Variants in WDR62 observed in about 807,000 individuals in gnomAD.
WDR62 encodes the protein WD repeat domain 62.
A neutral mutation model predicts 160.6 loss-of-function variants in WDR62; 112 were observed. The observed-to-expected ratio is 0.70, with a 90% CI of 0.60 to 0.82. WDR62 has a LOEUF of 0.82. Among genes scored for constraint, WDR62 ranks in the 40% least tolerant of loss-of-function variants. The pLI, the probability that WDR62 is intolerant of heterozygous loss-of-function variation, is 0.00. For missense variants in WDR62, 1,819 were observed against 1,983.8 expected (o/e 0.92, Z 1.58); for synonymous variants, 792 against 815.1 (o/e 0.97, Z 0.48).
chr19:36,084,645 T>C lies in WDR62; in HGVS notation c.1551-8T>C. The C allele has an allele frequency of 6.2e-7, 1 of 1,613,498 alleles. No individual in the cohort carries two copies. On this transcript the variant is annotated splice_region_variant and splice_polypyrimidine_tract_variant and intron_variant, in intron 11 of 31. Coordinates refer to ENST00000401500, the MANE Select transcript of WDR62 (RefSeq NM_001083961.2). ...GTGGGGCTTCAGCGGGCGGTGTGTG[T>C]CTCCCAGGATCCACGAGCTGCACTT...
In WDR62 at chr19:36,102,736, G is replaced by T; in HGVS notation, c.3221-1G>T. The T allele has an allele frequency of 1.2e-6, 2 of 1,614,078 alleles. 1 individual carries two copies. The highest frequency in any genetic ancestry group is 2.2e-5 in the South Asian group (2 of 91,076). On this transcript the variant is annotated splice_acceptor_variant, in intron 26 of 31. Transcript: ENST00000401500. LOFTEE classifies it high-confidence loss of function. The stretch of plus-strand genomic sequence containing the variant: ...AGGGTCCCCTCGGGATCTTCCCCTA[G>T]AGCTCTTCCCCGCAGCTCTGGGAGA...
rs1272477779 is a variant in WDR62, at chr19:36,066,379, G to T, written c.513G>T (p.Val171=). The T allele has an allele frequency of 3.7e-6, 6 of 1,612,796 alleles. No homozygotes were observed. In the African/African-American group the frequency reaches 8.0e-5, roughly 22 times the overall value. ...TCTCACCCAATATGAAGCACATCGT[G>T]TCCATGGGCTACCAACATGACATGG... The part of the protein sequence containing the change: ...VAFSPNMKHI[V]SMGYQHDMVL... The change falls in exon 5 of 32, where the codon GTG becomes GTT. Residue 171 remains valine, a synonymous_variant. Transcript: ENST00000401500.
chr19:36,066,073 C>T (rs765755372), intron 4 of WDR62, 58 bp downstream of exon 4: 260 of 1,599,906 alleles, frequency 1.6e-4, no homozygotes, highest in Non-Finnish European at 1.9e-4. Context: ...GGAAGCCATT[C>T]CTTCTGCTCC....
At chr19:36,061,835 A>G (rs1970664127) in intron 3 of WDR62, 1 of 152,190 alleles carries the variant, frequency 6.6e-6, no homozygotes, top group South Asian at 2.1e-4. Context: ...AAACTTGGGC[A>G]TTGGCAATTT....
intron 5 of WDR62, 30 bp downstream of exon 5, chr19:36,066,457 G>A (rs916103410): frequency 6.4e-7 from 1 of 1,566,290 alleles, no homozygotes. Context: ...CCTGTGGCAG[G>A]CAGCCAGCTG....
In WDR62 at chr19:36,071,570, C is replaced by T. The variant is rs376652263; in HGVS notation, c.897C>T (p.Ser299=). ...KWINLKVSLS[S]CLCVSQELIF... is the part of the protein sequence containing the mutation. ...TGCCCCTACAGGTCTCCCTGTCTTC[C>T]TGCCTCTGTGTCAGCCAGGAGCTCA... Residue 299 remains serine, a synonymous_variant, in exon 8 of 32, where the codon TCC becomes TCT. Coordinates refer to ENST00000401500, the MANE Select transcript of WDR62 (RefSeq NM_001083961.2). The T allele has an allele frequency of 9.9e-5, 160 of 1,614,148 alleles. No homozygotes were observed. Among genetic ancestry groups the T allele is most frequent in the Middle Eastern group, 4.9e-4 (3 of 6,084 alleles).
intron 9 of WDR62, among the ~76,000 whole-genome samples, chr19:36,079,922 A>G (rs1027396267): frequency 3.9e-5 from 6 of 152,090 alleles, no homozygotes; most frequent in Non-Finnish European, 8.8e-5. Context: ...AGATTTTGGG[A>G]GATTAAAAAA....
At chr19:36,067,703 G>T in intron 6 of WDR62, 125 bp from the exon 7 acceptor site, 1 of 1,202,476 alleles carries the variant, frequency 8.3e-7, no homozygotes, top group Non-Finnish European at 1.2e-6. Flanking sequence ...GGGTTCTAGT[G>T]TTTTCTTCCC....
At chr19:36,059,030 C>T (rs1019405517) in intron 2 of WDR62, 159 bp downstream of exon 2, 1 of 728,448 alleles carries the variant, frequency 1.4e-6, no homozygotes, top group South Asian at 1.5e-5. Context: ...TCCATAGCCC[C>T]CTCTCTGTCT....
At position 36,092,707 on chromosome 19, in the gene WDR62, C is replaced by T. The variant is rs2145795361; in HGVS notation, c.2229C>T (p.His743=). 1.2e-6 allele frequency: 2 copies of T among 1,614,194 alleles called. No individual in the cohort carries two copies. Among genetic ancestry groups the T allele is most frequent in the African/African-American group, 1.3e-5 (1 of 75,050 alleles). The change falls in exon 19 of 32, where the codon CAC becomes CAT. Residue 743 remains histidine, a synonymous_variant. Coordinates refer to ENST00000401500, the MANE Select transcript of WDR62 (RefSeq NM_001083961.2). ...VSGDSCVFIW[H]LGPEITNCMK... is the part of the protein sequence containing the mutation. Reference sequence around the variant, plus strand: ...TCCGCAGCTGCGTGTTCATCTGGCACCTGGGCCCGGAGATCACCAACTGCA... The same window carrying T: ...TCCGCAGCTGCGTGTTCATCTGGCATCTGGGCCCGGAGATCACCAACTGCA...
At chr19:36,058,207 C>G (rs191122787) in intron 1 of WDR62, among the ~76,000 whole-genome samples, 196 of 152,244 alleles carry the variant, frequency 1.3e-3, no homozygotes, top group African/African-American at 4.5e-3. Flanking sequence ...CAAAAATTAG[C>G]CGGACATGGT....
chr19:36,082,996 G>A, intron 10 of WDR62, 67 bp from the exon 11 acceptor site: 2 of 1,434,600 alleles, frequency 1.4e-6, no homozygotes, highest in Non-Finnish European at 1.9e-6. Flanking sequence ...GACTGGCTAT[G>A]GAGGGACACG....
chr19:36,073,455 G>A lies in WDR62; in HGVS notation c.1157G>A (p.Trp386Ter), dbSNP rs1265252597. The A allele has an allele frequency of 6.2e-7, 1 of 1,614,066 alleles. No homozygotes were observed. The highest frequency in any genetic ancestry group is 1.3e-5 in the African/African-American group (1 of 75,010). ...CVYKDHSIYI[W>*]DVKDINRVGK... The stretch of plus-strand genomic sequence containing the variant: ...TATAAGGACCACAGCATCTACATCT[G>A]GGATGTCAAGGACATCAACAGAGTG... Residue 386 changes from tryptophan (W) to a stop codon, truncating the protein, a stop_gained, in exon 9 of 32, where the codon TGG becomes TAG. Coordinates refer to ENST00000401500, the MANE Select transcript of WDR62 (RefSeq NM_001083961.2). LOFTEE classifies it high-confidence loss of function.
At chr19:36,072,593 A>G (rs1225611312) in intron 8 of WDR62, among the ~76,000 whole-genome samples, 1 of 152,156 alleles carries the variant, frequency 6.6e-6, no homozygotes, top group African/African-American at 2.4e-5. Flanking sequence ...AGGGGGTGCC[A>G]GGTGCCTAGG....
rs554389609 is a variant in WDR62 at position 36,092,268 on chromosome 19, G to A, written c.2211-421G>A. Among the ~76,000 whole-genome samples the A allele has an allele frequency of 8.7e-5, 13 of 150,054 alleles. No homozygotes were observed. The East Asian group carries it at 9.8e-4, about 11-fold the overall frequency. Reference sequence around the variant, plus strand: ...AGAAGTTGCAGTGAGCTGAGATCGCGTCACTGCACCCTAGCCTGGGTGACA... The same window carrying A: ...AGAAGTTGCAGTGAGCTGAGATCGCATCACTGCACCCTAGCCTGGGTGACA... On this transcript the variant is annotated intron_variant, in intron 18 of 31. Transcript: ENST00000401500.
chr19:36,101,208 C>T lies in WDR62; in HGVS notation c.2868-6C>T, dbSNP rs1452112602. ...TGTTCCCTCTCTGCCCCCACTGGCA[C>T]TGCAGCCAGTATTGCAGGAAGGAGG... On this transcript the variant is annotated splice_region_variant and splice_polypyrimidine_tract_variant and intron_variant, in intron 23 of 31. Coordinates refer to ENST00000401500, the MANE Select transcript of WDR62 (RefSeq NM_001083961.2). 1 of 1,608,974 alleles carries T rather than the reference C, an allele frequency of 6.2e-7. No homozygotes were observed.
At chr19:36,101,632 T>A (rs1441872676) in intron 24 of WDR62, 32 bp from the exon 25 acceptor site, 2 of 1,494,092 alleles carry the variant, frequency 1.3e-6, no homozygotes, top group Non-Finnish European at 1.8e-6. Context: ...ATGGTCAGGC[T>A]GTGGGCTCCT....
intron 30 of WDR62, 102 bp downstream of exon 30, chr19:36,104,083 C>CCATT (rs1332696339): frequency 2.5e-5 from 36 of 1,440,036 alleles, no homozygotes; most frequent in Non-Finnish European, 3.3e-5. Context: ...AGGGACTGTG[C>CCATT]CATTCATTCA....
intron 1 of WDR62, 115 bp downstream of exon 1, chr19:36,055,263 C>A: frequency 8.8e-7 from 1 of 1,141,298 alleles, no homozygotes; most frequent in South Asian, 1.4e-5. Context: ...TCAGGTTGTT[C>A]CCTGCCATGC....
Sources: gnomAD v4.1 joint callset for allele counts (sites outside exome capture counted in the v4.1 genomes callset) on GRCh38, gnomAD v4.1.1 for gene constraint, MANE v1.5 for transcripts, NCBI Gene and HGNC (gene_info 2026-07-23, HGNC 2026-07-21) for gene names.